NXN: variants seen among roughly 807,000 people sequenced by gnomAD.
NXN encodes the protein nucleoredoxin, also known as nucleoredoxin 1.
Under a neutral mutation model 48.6 loss-of-function variants are expected in NXN, and 16 were observed. The observed-to-expected ratio is 0.33, with a 90% CI of 0.22 to 0.50. The LOEUF is 0.50. Among genes scored for constraint, NXN ranks in the 20% least tolerant of loss-of-function variants. The probability of loss-of-function intolerance (pLI) is 0.98; values close to 1 mark genes in which losing one functional copy is unlikely to be tolerated. For synonymous variants in NXN, 281 were observed against 269.6 expected, an observed-to-expected ratio of 1.04 and a Z score of -0.41; for missense variants, 492 against 605.5, an observed-to-expected ratio of 0.81 and a Z score of 1.97.
chr17:872,144 C>T (rs368601199), intron 1 of NXN, among the ~76,000 whole-genome samples: 1 of 151,372 alleles, frequency 6.6e-6, no homozygotes, highest in Non-Finnish European at 1.5e-5. Context: ...GCCAAGCTGC[C>T]GAATGCTCAG....
chr17:829,844 G>A (rs1165650215), intron 1 of NXN, among the ~76,000 whole-genome samples: 1 of 152,126 alleles, frequency 6.6e-6, no homozygotes, highest in African/African-American at 2.4e-5. Flanking sequence ...GTGTATATGT[G>A]CCACATTTTC....
At chr17:948,154 A>G (rs992592318) in intron 1 of NXN, among the ~76,000 whole-genome samples, 3 of 152,178 alleles carry the variant, frequency 2.0e-5, no homozygotes, top group Non-Finnish European at 4.4e-5. Flanking sequence ...TTACATAGCA[A>G]TGTATTAGAT....
At position 978,933 on chromosome 17, in the gene NXN, C is replaced by A. The variant is rs1024214343; in HGVS notation, c.360+386G>T. Among the ~76,000 whole-genome samples, 5 of 150,932 alleles carry A rather than the reference C, an allele frequency of 3.3e-5. No homozygotes were observed. The highest frequency in any genetic ancestry group is 1.2e-4 in the African/African-American group (5 of 41,046). ...CCTCTGCTCGCGGGTGAAGGGGTCG[C>A]GGAACCGGGATCCCCGAGCGCAGCC... is the stretch of plus-strand genomic sequence containing the variant. On this transcript the variant is annotated intron_variant, in intron 1 of 7. Coordinates refer to ENST00000336868, the MANE Select transcript of NXN (RefSeq NM_022463.5). This position sits in a 1 kb window ranked among gnomAD's most constrained non-coding sequence, Gnocchi z 4.1.
intron 1 of NXN, among the ~76,000 whole-genome samples, chr17:835,135 T>TC (rs1567824277): frequency 6.6e-6 from 1 of 150,824 alleles, no homozygotes; most frequent in East Asian, 2.0e-4. Context: ...GGTGAAACCC[T>TC]GTCTCTACTA....
intron 1 of NXN, among the ~76,000 whole-genome samples, chr17:842,024 A>T (rs112866673): frequency 0.018 from 2,724 of 152,114 alleles, 85 homozygotes; most frequent in African/African-American, 0.063. Context: ...TAACCCCAGC[A>T]ACTCAGGAGG....
chr17:888,683 G>C (rs1183014980), intron 1 of NXN, among the ~76,000 whole-genome samples: 1 of 151,876 alleles, frequency 6.6e-6, no homozygotes, highest in East Asian at 1.9e-4. Context: ...GGCCAGGTGT[G>C]GTGGCTCGCA....
intron 1 of NXN, among the ~76,000 whole-genome samples, chr17:852,889 A>G (rs1487855932): frequency 2.0e-5 from 3 of 151,994 alleles, no homozygotes; most frequent in Non-Finnish European, 4.4e-5. Flanking sequence ...TCCCCAGGAC[A>G]CCTCAGAGTC....
chr17:912,918 C>T (rs946237158), intron 1 of NXN, among the ~76,000 whole-genome samples: 10 of 151,818 alleles, frequency 6.6e-5, no homozygotes, highest in African/African-American at 2.4e-4. Flanking sequence ...TGCACCACCG[C>T]ACTCCAGCCT....
At chr17:851,993 G>A (rs2067928562) in intron 1 of NXN, among the ~76,000 whole-genome samples, 1 of 152,188 alleles carries the variant, frequency 6.6e-6, no homozygotes, top group Non-Finnish European at 1.5e-5. Context: ...GGAAAAAGCT[G>A]GAAAAAGCAC....
At chr17:909,587 G>A (rs2068615454) in intron 1 of NXN, 1 of 146,966 alleles carries the variant, frequency 6.8e-6, no homozygotes, top group South Asian at 2.2e-4. Context: ...CCCCCAGGCT[G>A]GAGTGCAGGG....
At chr17:954,998 G>A (rs964017591) in intron 1 of NXN, among the ~76,000 whole-genome samples, 7 of 151,968 alleles carry the variant, frequency 4.6e-5, no homozygotes, top group African/African-American at 1.2e-4. Flanking sequence ...TCTGCCCCGC[G>A]TCCCGGGCCT....
intron 1 of NXN, among the ~76,000 whole-genome samples, chr17:859,766 C>CTTT (rs1470742507): frequency 6.6e-5 from 10 of 152,224 alleles, no homozygotes; most frequent in African/African-American, 2.4e-4. Flanking sequence ...CTCTGAAAGG[C>CTTT]CTGGCCCTCA....
At chr17:843,778 C>A (rs1055049377) in intron 1 of NXN, among the ~76,000 whole-genome samples, 1 of 152,166 alleles carries the variant, frequency 6.6e-6, no homozygotes, top group Non-Finnish European at 1.5e-5. Flanking sequence ...CACCTTTCGA[C>A]GTGAACGTTG....
At chr17:973,073 C>A (rs2069410248) in intron 1 of NXN, among the ~76,000 whole-genome samples, 1 of 151,610 alleles carries the variant, frequency 6.6e-6, no homozygotes, top group African/African-American at 2.4e-5. Flanking sequence ...GTGACCCTAA[C>A]TTCCAGGGCT....
At chr17:935,378 A>G (rs990328727) in intron 1 of NXN, among the ~76,000 whole-genome samples, 3 of 151,986 alleles carry the variant, frequency 2.0e-5, no homozygotes, top group Non-Finnish European at 4.4e-5. Flanking sequence ...CCCACCTCCT[A>G]TATCATGTGG....
In NXN at chr17:958,645, C is replaced by CAT. The variant is rs1462896355; in HGVS notation, c.360+20673_360+20674insAT. 1.1e-4 allele frequency among the ~76,000 whole-genome samples: 17 copies of CAT among 152,256 alleles called. No homozygotes were observed. In the East Asian group the frequency reaches 3.3e-3, roughly 29 times the overall value. ...AATTAGCCAGGCGTGGTGGCGTGCG[C>CAT]CTGTAGTCCCAGCTACTCAGGAGGC... On this transcript the variant is annotated intron_variant, in intron 1 of 7. Coordinates refer to ENST00000336868, the MANE Select transcript of NXN (RefSeq NM_022463.5). This position sits in a 1 kb window ranked among gnomAD's most constrained non-coding sequence, Gnocchi z 6.9.
rs537190618 is a variant in NXN, at chr17:804,072, G to A, written c.1001-266C>T. On this transcript the variant is annotated intron_variant, in intron 6 of 7. Coordinates refer to ENST00000336868, the MANE Select transcript of NXN (RefSeq NM_022463.5). Reference sequence around the variant, plus strand: ...CTCACTGAGCAGCTCTGCTCTCCCAGGTAGACAGTCTTCCCATTGAATTCC... The same window carrying A: ...CTCACTGAGCAGCTCTGCTCTCCCAAGTAGACAGTCTTCCCATTGAATTCC... 1.1e-4 allele frequency: 46 copies of A among 429,476 alleles called. No individual in the cohort carries two copies. The Admixed American group carries it at 1.5e-3, about 14-fold the overall frequency. 26.6% of individuals were successfully genotyped at this position (429,476 alleles called of 1,614,324 possible).
chr17:851,799 T>C (rs923207353), intron 1 of NXN, among the ~76,000 whole-genome samples: 14 of 152,352 alleles, frequency 9.2e-5, no homozygotes, highest in African/African-American at 2.9e-4. Flanking sequence ...AAATAGAGGC[T>C]AAGTGTCAAA....
At chr17:850,978 G>A (rs918370177) in intron 1 of NXN, among the ~76,000 whole-genome samples, 5 of 152,184 alleles carry the variant, frequency 3.3e-5, no homozygotes, top group African/African-American at 9.7e-5. Context: ...AGACCCGGAC[G>A]ATGCCACTAC....
Sources: allele counts gnomAD v4.1 joint callset (sites outside exome capture counted in the v4.1 genomes callset), GRCh38; gene constraint gnomAD v4.1.1; non-coding constraint Gnocchi (gnomAD v3.1); transcripts MANE v1.5; gene names NCBI Gene and HGNC (gene_info 2026-07-23, HGNC 2026-07-21).